Variants in RXFP1 observed in about 807,000 individuals in gnomAD.
RXFP1 encodes the protein relaxin receptor 1.
RXFP1 carries 73 observed loss-of-function variants against 89.8 expected under a neutral mutation model. The observed-to-expected ratio is 0.81, with a 90% CI of 0.67 to 0.99. RXFP1 has a LOEUF of 0.99. RXFP1 is among the 50% of genes least tolerant of loss of function. RXFP1 has a pLI of 0.00. For missense variants in RXFP1, 793 were observed against 895.5 expected (o/e 0.89, Z 1.46); for synonymous variants, 277 against 305.5 (o/e 0.91, Z 0.97).
chr4:158,529,591 G>C (rs989449231), intron 1 of RXFP1, among the ~76,000 whole-genome samples: 3 of 151,944 alleles, frequency 2.0e-5, no homozygotes, highest in African/African-American at 4.8e-5. Flanking sequence ...TACATGCTTG[G>C]GTTTGTCCTC....
intron 2 of RXFP1, among the ~76,000 whole-genome samples, chr4:158,591,961 G>C (rs1161734223): frequency 6.6e-6 from 1 of 152,082 alleles, no homozygotes; most frequent in African/African-American, 2.4e-5. Context: ...TGTACCATGT[G>C]CAGAGATCCC....
At chr4:158,614,108 T>A (rs1268812753) in intron 8 of RXFP1, among the ~76,000 whole-genome samples, 1 of 152,192 alleles carries the variant, frequency 6.6e-6, no homozygotes, top group Non-Finnish European at 1.5e-5. Context: ...CTTAAAATGT[T>A]TAGTAAACCA....
intron 1 of RXFP1, among the ~76,000 whole-genome samples, chr4:158,562,290 C>T (rs949677935): frequency 2.0e-5 from 3 of 151,542 alleles, no homozygotes; most frequent in Admixed American, 6.6e-5. Flanking sequence ...TTTGGGAGGC[C>T]GAGGCGGGCG....
chr4:158,617,972 A>G, intron 9 of RXFP1, among the ~76,000 whole-genome samples: 1 of 152,292 alleles, frequency 6.6e-6, no homozygotes, highest in East Asian at 1.9e-4. Flanking sequence ...ACAACTATCA[A>G]CTTGATAAAA....
intron 3 of RXFP1, among the ~76,000 whole-genome samples, chr4:158,597,110 A>C (rs2150081247): frequency 6.6e-6 from 1 of 152,310 alleles, no homozygotes; most frequent in East Asian, 1.9e-4. Context: ...TAAAAATAGA[A>C]TGGCAAGTGT....
Position 158,612,200 on chromosome 4 carries a change from C to T in RXFP1, c.607C>T (p.Leu203=), listed in dbSNP as rs1460393035. The T allele has an allele frequency of 1.9e-6, 3 of 1,610,754 alleles. No individual in the cohort carries two copies. The highest frequency in any genetic ancestry group is 2.5e-6 in the Non-Finnish European group (3 of 1,178,510). The part of the protein sequence containing the change: ...VFEDLHRLEW[L]IIEDNHLSRI... Reference sequence around the variant, plus strand: ...TGAAGATCTTCACAGACTAGAATGGCTGTATGTTTAATTTATGTGGCATTT... The same window carrying T: ...TGAAGATCTTCACAGACTAGAATGGTTGTATGTTTAATTTATGTGGCATTT... The change falls in exon 7 of 18, where the codon CTG becomes TTG. Residue 203 remains leucine, a splice_region_variant and synonymous_variant. Transcript: ENST00000307765.
intron 1 of RXFP1, among the ~76,000 whole-genome samples, chr4:158,542,079 C>CCA (rs56378897): frequency 0.37 from 9,464 of 25,888 alleles, 2,046 homozygotes; most frequent in East Asian, 0.73. Flanking sequence ...GCCACCATGG[C>CCA]TATATATATA....
rs75212350 is a variant in RXFP1, at chr4:158,605,771, A to C, written c.464+632A>C. ...TACTTTGTGACTAAATTATGTTGTC[A>C]TATGGTGAATTGCTGGGTTTAGATA... On this transcript the variant is annotated intron_variant, in intron 5 of 17. Transcript: ENST00000307765. Among the ~76,000 whole-genome samples, 50 of 152,296 alleles carry C rather than the reference A, an allele frequency of 3.3e-4. No homozygotes were observed. In the East Asian group the frequency reaches 9.5e-3, roughly 29 times the overall value.
chr4:158,534,245 ATT>A (rs70962614), intron 1 of RXFP1, among the ~76,000 whole-genome samples: 5,112 of 137,436 alleles, frequency 0.037, 219 homozygotes, highest in African/African-American at 0.11. Flanking sequence ...TGATATTCTG[ATT>A]TTTTTTTTTT....
At chr4:158,560,696 T>C (rs1009785102) in intron 1 of RXFP1, among the ~76,000 whole-genome samples, 1 of 152,194 alleles carries the variant, frequency 6.6e-6, no homozygotes, top group Non-Finnish European at 1.5e-5. Context: ...TGTTGCCTCA[T>C]AGATGCAAAA....
chr4:158,647,693 C>T (rs773812794), intron 16 of RXFP1, among the ~76,000 whole-genome samples: 9 of 151,988 alleles, frequency 5.9e-5, no homozygotes, highest in South Asian at 2.1e-4. Flanking sequence ...CATAGCAAGA[C>T]CCCATCTCTA....
intron 5 of RXFP1, 92 bp downstream of exon 5, chr4:158,605,231 C>T (rs1346976202): frequency 1.6e-5 from 10 of 637,296 alleles, no homozygotes; most frequent in South Asian, 4.7e-5. Flanking sequence ...AACACTATTC[C>T]GCTGCTTGTG....
At chr4:158,614,257 A>G (rs918114679) in intron 8 of RXFP1, among the ~76,000 whole-genome samples, 1 of 152,232 alleles carries the variant, frequency 6.6e-6, no homozygotes, top group African/African-American at 2.4e-5. Flanking sequence ...TAAAGTCACC[A>G]GCTGCATTTG....
At chr4:158,569,647 G>A (rs912259167) in intron 1 of RXFP1, among the ~76,000 whole-genome samples, 3 of 152,156 alleles carry the variant, frequency 2.0e-5, no homozygotes, top group African/African-American at 7.2e-5. Context: ...TATGTGAAAC[G>A]TTATCAAATA....
At chr4:158,635,675 T>A (rs1769006967) in intron 12 of RXFP1, among the ~76,000 whole-genome samples, 1 of 152,096 alleles carries the variant, frequency 6.6e-6, no homozygotes, top group Non-Finnish European at 1.5e-5. Context: ...TGTGAGGTAG[T>A]TTCCTTTTAT....
Position 158,643,468 on chromosome 4 carries a change from G to GTTTTT in RXFP1, c.1116-1426_1116-1422dup, listed in dbSNP as rs59869659. Reference sequence around the variant, plus strand: ...AATGGGATTCCTGGATCATATGCTAGTTTTTTTTTTTTTTTTTTTGGAGAC... The same window carrying GTTTTT: ...AATGGGATTCCTGGATCATATGCTAGTTTTTTTTTTTTTTTTTTTTTTTTGGAGAC... On this transcript the variant is annotated intron_variant, in intron 14 of 17. Transcript: ENST00000307765. Among the ~76,000 whole-genome samples the GTTTTT allele has an allele frequency of 1.5e-4, 17 of 112,824 alleles. 1 individual carries two copies. Among genetic ancestry groups the GTTTTT allele is most frequent in the Admixed American group, 2.3e-4 (2 of 8,824 alleles). 74.0% of individuals were successfully genotyped at this position (112,824 alleles called of 152,430 possible).
Position 158,618,708 on chromosome 4 carries a change from G to T in RXFP1, c.755+1503G>T, listed in dbSNP as rs1323273140. The stretch of plus-strand genomic sequence containing the variant: ...AAACATCATTTTAACTCTGATTTAG[G>T]GGAAAAATACATACAAACTAAAGAG... On this transcript the variant is annotated intron_variant, in intron 9 of 17. Coordinates refer to ENST00000307765, the MANE Select transcript of RXFP1 (RefSeq NM_021634.4). 7.2e-5 allele frequency among the ~76,000 whole-genome samples: 11 copies of T among 152,058 alleles called. No homozygotes were observed. The East Asian group carries it at 1.5e-3, about 21-fold the overall frequency.
chr4:158,583,271 A>C (rs1757712582), intron 2 of RXFP1, among the ~76,000 whole-genome samples: 1 of 152,242 alleles, frequency 6.6e-6, no homozygotes, highest in Non-Finnish European at 1.5e-5. Flanking sequence ...TCCTGTGTTT[A>C]AAATTCTGGA....
chr4:158,609,062 C>A (rs377303780), intron 6 of RXFP1, among the ~76,000 whole-genome samples: 5 of 152,166 alleles, frequency 3.3e-5, no homozygotes, highest in African/African-American at 1.2e-4. Flanking sequence ...TTGTTTCCAC[C>A]TTTTGGCTGT....
Sources: allele counts gnomAD v4.1 joint callset (sites outside exome capture counted in the v4.1 genomes callset), GRCh38; gene constraint gnomAD v4.1.1; transcripts MANE v1.5; gene names NCBI Gene and HGNC (gene_info 2026-07-23, HGNC 2026-07-21).